Variants in CHD7 observed in about 807,000 individuals in gnomAD.
CHD7 encodes the protein ATP-dependent chromatin remodeler CHD7.
CHD7 carries 24 observed loss-of-function variants against 307.3 expected under a neutral mutation model. The ratio of observed to expected loss-of-function variants is 0.08; its 90% confidence interval spans 0.06 to 0.11. CHD7 has a LOEUF of 0.11. CHD7 is among the 10% of genes least tolerant of loss of function. The pLI, the probability that CHD7 is intolerant of heterozygous loss-of-function variation, is 1.00. For missense variants in CHD7, 3,106 were observed against 3,727.1 expected (o/e 0.83, Z 4.34); for synonymous variants, 1,363 against 1,349.9 (o/e 1.01, Z -0.21).
chr8:60,780,866 C>A, intron 2 of CHD7, 134 bp from the exon 3 acceptor site: 2 of 1,162,314 alleles, frequency 1.7e-6, no homozygotes, highest in Non-Finnish European at 2.3e-6. Flanking sequence ...ATAGATTCTA[C>A]AACTGTATAG....
intron 2 of CHD7, among the ~76,000 whole-genome samples, chr8:60,775,806 G>A (rs1325549613): frequency 6.6e-6 from 1 of 152,190 alleles, no homozygotes; most frequent in Non-Finnish European, 1.5e-5. Context: ...TGCCTAGGCT[G>A]GAGTACAGTG....
rs745723884 is a variant in CHD7 at position 60,850,647 on chromosome 8, A to C, written c.5534+25A>C. ...GGTAAGAAGGACATTTTAAAATTTG[A>C]ATAAACTTTATGTCAGTTTCACATC... On this transcript the variant is annotated intron_variant, in intron 26 of 37. Coordinates refer to ENST00000423902, the MANE Select transcript of CHD7 (RefSeq NM_017780.4). 7.5e-6 allele frequency: 12 copies of C among 1,591,792 alleles called. No individual in the cohort carries two copies. In the East Asian group the frequency reaches 1.6e-4, roughly 21 times the overall value.
intron 3 of CHD7, among the ~76,000 whole-genome samples, chr8:60,789,218 C>A (rs928789556): frequency 2.0e-5 from 3 of 152,200 alleles, no homozygotes; most frequent in African/African-American, 4.8e-5. Context: ...GTCACAAACA[C>A]CCTGCATCAC....
intron 2 of CHD7, among the ~76,000 whole-genome samples, chr8:60,775,873 T>C (rs1323499711): frequency 6.6e-6 from 1 of 152,200 alleles, no homozygotes; most frequent in Non-Finnish European, 1.5e-5. Flanking sequence ...TTCTCCTGCC[T>C]CAGCCTCCCA....
At chr8:60,756,661 A>T (rs540823962) in intron 2 of CHD7, among the ~76,000 whole-genome samples, 76 of 152,326 alleles carry the variant, frequency 5.0e-4, no homozygotes, top group Middle Eastern at 3.4e-3. Flanking sequence ...ACTGCACTCC[A>T]GCCTGGGCAG....
At chr8:60,825,576 G>C (rs1308620934) in intron 13 of CHD7, among the ~76,000 whole-genome samples, 1 of 152,228 alleles carries the variant, frequency 6.6e-6, no homozygotes, top group South Asian at 2.1e-4. Context: ...AAGTAAACTT[G>C]TATTTGCAGG....
At chr8:60,790,246 G>A (rs922203874) in intron 3 of CHD7, among the ~76,000 whole-genome samples, 6 of 151,976 alleles carry the variant, frequency 3.9e-5, no homozygotes, top group Admixed American at 1.3e-4. Flanking sequence ...GGTTGGCTCC[G>A]TGTCTCTTTA....
chr8:60,703,021 C>T lies in CHD7; in HGVS notation c.-175+23939C>T, dbSNP rs577956172. 4.9e-4 allele frequency among the ~76,000 whole-genome samples: 75 copies of T among 152,336 alleles called. 1 individual carries two copies. Among genetic ancestry groups the T allele is most frequent in the Middle Eastern group, 6.8e-3 (2 of 294 alleles). ...CTGTTTGCCTGAAGTTTGCTATTGT[C>T]TCTCTGGCCAAAGCAAGTTACATGG... is the stretch of plus-strand genomic sequence containing the variant. On this transcript the variant is annotated intron_variant, in intron 1 of 37. Coordinates refer to ENST00000423902, the MANE Select transcript of CHD7 (RefSeq NM_017780.4).
rs550814429 is a variant in CHD7, at chr8:60,794,960, A to T, written c.2097-26A>T. 1.9e-6 allele frequency: 3 copies of T among 1,604,440 alleles called. No individual in the cohort carries two copies. In the South Asian group the frequency reaches 3.4e-5, roughly 18 times the overall value. On this transcript the variant is annotated intron_variant, in intron 3 of 37. Coordinates refer to ENST00000423902, the MANE Select transcript of CHD7 (RefSeq NM_017780.4). ...ATGCAGAAACACATTAAAAGTGAAC[A>T]CTAAGCGATCCACTTTGAATTCTAG...
chr8:60,798,530 C>T (rs981246537), intron 4 of CHD7, among the ~76,000 whole-genome samples: 5 of 152,156 alleles, frequency 3.3e-5, no homozygotes, highest in African/African-American at 1.2e-4. Context: ...CAATCAGTCC[C>T]ACTCTTTGGG....
Position 60,866,036 on chromosome 8 carries a change from G to T in CHD7, c.*103G>T. On this transcript the variant is annotated 3_prime_UTR_variant, in exon 38 of 38. Coordinates refer to ENST00000423902, the MANE Select transcript of CHD7 (RefSeq NM_017780.4). Reference sequence around the variant, plus strand: ...CATACCTAGTTTTATAAGCTGTTCTGTAACATAGTGTAGCAAAAAAAAAAG... The same window carrying T: ...CATACCTAGTTTTATAAGCTGTTCTTTAACATAGTGTAGCAAAAAAAAAAG... 9.4e-7 allele frequency: 1 copy of T among 1,066,610 alleles called. No homozygotes were observed. Among genetic ancestry groups the T allele is most frequent in the Non-Finnish European group, 1.3e-6 (1 of 741,576 alleles). The allele number at this position is 1,066,610 out of a possible 1,614,324, so 66.1% of individuals were successfully genotyped here.
chr8:60,765,382 T>G (rs1159990174), intron 2 of CHD7, among the ~76,000 whole-genome samples: 1 of 152,230 alleles, frequency 6.6e-6, no homozygotes, highest in East Asian at 1.9e-4. Context: ...TATAACATGC[T>G]GCTGTCCTTC....
rs2150775930 is a variant in CHD7 at position 60,836,294 on chromosome 8, C to T, written c.3989+11C>T. On this transcript the variant is annotated intron_variant, in intron 16 of 37. Coordinates refer to ENST00000423902, the MANE Select transcript of CHD7 (RefSeq NM_017780.4). Reference sequence around the variant, plus strand: ...CCTCATTCAAAGACGGTGAGGACCACCATATCAGAATAATAAAAAGGAAAT... The same window carrying T: ...CCTCATTCAAAGACGGTGAGGACCATCATATCAGAATAATAAAAAGGAAAT... The T allele has an allele frequency of 5.0e-6, 8 of 1,608,532 alleles. No individual in the cohort carries two copies. The highest frequency in any genetic ancestry group is 6.8e-6 in the Non-Finnish European group (8 of 1,176,060).
intron 2 of CHD7, among the ~76,000 whole-genome samples, chr8:60,744,879 T>A (rs79596662): frequency 6.1e-4 from 91 of 150,362 alleles, no homozygotes; most frequent in African/African-American, 1.9e-3. Flanking sequence ...TTTTTTTTTT[T>A]AATTTTAGAT....
At chr8:60,761,997 A>T (rs2150622702) in intron 2 of CHD7, among the ~76,000 whole-genome samples, 1 of 152,192 alleles carries the variant, frequency 6.6e-6, no homozygotes, top group East Asian at 1.9e-4. Context: ...TGATATGAGT[A>T]CTGTTGTATT....
Position 60,862,167 on chromosome 8 carries a change from T to C in CHD7, c.7831-29T>C, listed in dbSNP as rs1332083275. On this transcript the variant is annotated intron_variant, in intron 35 of 37. Transcript: ENST00000423902. Reference sequence around the variant, plus strand: ...GAGAAGAATAAGTACTAAATACCAATTTTACTAAATATGTTTTTTCTTTTG... The same window carrying C: ...GAGAAGAATAAGTACTAAATACCAACTTTACTAAATATGTTTTTTCTTTTG... 2.5e-6 allele frequency: 4 copies of C among 1,575,780 alleles called. No homozygotes were observed. In the East Asian group the frequency reaches 9.2e-5, roughly 36 times the overall value.
chr8:60,685,094 G>C (rs773335113), intron 1 of CHD7, among the ~76,000 whole-genome samples: 1 of 152,212 alleles, frequency 6.6e-6, no homozygotes, highest in Non-Finnish European at 1.5e-5. Flanking sequence ...GCAAGAATCA[G>C]ATCTGCTGAA....
At chr8:60,679,466 A>C (rs927893480) in intron 1 of CHD7, 4 of 95,196 alleles carry the variant, frequency 4.2e-5, no homozygotes, top group African/African-American at 7.3e-5. Flanking sequence ...GACAGGAGGG[A>C]GCGTGTCTGC....
chr8:60,848,331 G>A (rs1805301831), intron 23 of CHD7, among the ~76,000 whole-genome samples, 184 bp from the exon 24 acceptor site: 1 of 152,226 alleles, frequency 6.6e-6, no homozygotes, highest in African/African-American at 2.4e-5. Flanking sequence ...CCTGTTGGAA[G>A]CCAGCAGAAA....
Sources: gnomAD v4.1 joint callset for allele counts (sites outside exome capture counted in the v4.1 genomes callset) on GRCh38, gnomAD v4.1.1 for gene constraint, MANE v1.5 for transcripts, NCBI Gene and HGNC (gene_info 2026-07-23, HGNC 2026-07-21) for gene names.